The following MCC variants were observed in gnomAD, a reference collection of about 807,000 sequenced individuals.
The protein encoded by MCC is MCC regulator of Wnt signaling pathway.
Under a neutral mutation model 116.2 loss-of-function variants are expected in MCC, and 90 were observed. The observed-to-expected ratio is 0.77, with a 90% CI of 0.65 to 0.92. The LOEUF is 0.92. Ranked by LOEUF, MCC falls within the 40% of genes least tolerant of loss-of-function variation. The pLI is 0.00. For synonymous variants in MCC, 578 were observed against 510.5 expected (o/e 1.13, Z -1.78); for missense variants, 1,516 against 1,312.2 (o/e 1.16, Z -2.40).
At chr5:113,062,227 T>G (rs941790979) in intron 14 of MCC, among the ~76,000 whole-genome samples, 3 of 152,232 alleles carry the variant, frequency 2.0e-5, no homozygotes, top group Admixed American at 2.0e-4. Context: ...ACAATGACTC[T>G]GTGTTTTGAA....
chr5:113,073,945 G>A (rs184046474), intron 11 of MCC, among the ~76,000 whole-genome samples: 6 of 152,308 alleles, frequency 3.9e-5, no homozygotes, highest in South Asian at 2.1e-4. Flanking sequence ...AGACTCCACC[G>A]CTGGGGGCAG....
intron 3 of MCC, among the ~76,000 whole-genome samples, chr5:113,184,871 T>C (rs1373997851): frequency 6.6e-6 from 1 of 152,178 alleles, no homozygotes; most frequent in African/African-American, 2.4e-5. Context: ...CAAACCACCT[T>C]AACTTTGTAT....
chr5:113,059,243 G>C (rs1481875711), intron 14 of MCC, among the ~76,000 whole-genome samples: 1 of 152,178 alleles, frequency 6.6e-6, no homozygotes, highest in Non-Finnish European at 1.5e-5. Flanking sequence ...TTAATTTCAA[G>C]ATAAACCTCA....
chr5:113,213,265 G>A (rs58069204), intron 3 of MCC, among the ~76,000 whole-genome samples: 8,764 of 152,246 alleles, frequency 0.058, 782 homozygotes, highest in African/African-American at 0.19. Context: ...CAGAGGCCTC[G>A]AGGAACTAAG....
At chr5:113,367,357 C>T (rs929349615) in intron 2 of MCC, among the ~76,000 whole-genome samples, 6 of 143,352 alleles carry the variant, frequency 4.2e-5, no homozygotes, top group Non-Finnish European at 7.7e-5. Context: ...AGCCAATTAT[C>T]TAAGTCTTTT....
At chr5:113,339,652 G>C (rs1767962340) in intron 3 of MCC, among the ~76,000 whole-genome samples, 1 of 152,116 alleles carries the variant, frequency 6.6e-6, no homozygotes, top group Non-Finnish European at 1.5e-5. Flanking sequence ...TTTTTCTGAT[G>C]ATTGTATTTT....
At chr5:113,352,101 TAAAGGG>T (rs1205606389) in intron 2 of MCC, among the ~76,000 whole-genome samples, 1 of 152,184 alleles carries the variant, frequency 6.6e-6, no homozygotes, top group Admixed American at 6.5e-5. Flanking sequence ...ATGGACCATA[TAAAGGG>T]AAGTGGACTT....
chr5:113,239,828 G>T (rs1395578803), intron 3 of MCC, among the ~76,000 whole-genome samples: 1 of 152,124 alleles, frequency 6.6e-6, no homozygotes, highest in Non-Finnish European at 1.5e-5. Context: ...AAATCCAAAC[G>T]TGGTGGAAGA....
At chr5:113,361,905 G>A (rs947355504) in intron 2 of MCC, among the ~76,000 whole-genome samples, 2 of 152,136 alleles carry the variant, frequency 1.3e-5, no homozygotes, top group African/African-American at 4.8e-5. Context: ...CTTTGGACTT[G>A]GACTGAGAGT....
chr5:113,438,333 G>C (rs1770923806), intron 1 of MCC, among the ~76,000 whole-genome samples: 1 of 152,152 alleles, frequency 6.6e-6, no homozygotes, highest in Non-Finnish European at 1.5e-5. Flanking sequence ...AGGCAATTAA[G>C]AGCATCAGAC....
At chr5:113,457,354 T>A (rs1771598855) in intron 1 of MCC, among the ~76,000 whole-genome samples, 2 of 152,234 alleles carry the variant, frequency 1.3e-5, no homozygotes, top group South Asian at 4.1e-4. Context: ...TGCTCTGGAT[T>A]TCTCGCCGGG....
rs116032691 is a variant in MCC, at chr5:113,371,772, A to T, written c.415+13196T>A. Among the ~76,000 whole-genome samples the T allele has an allele frequency of 3.9e-3, 600 of 152,340 alleles. 4 individuals carry two copies. Among genetic ancestry groups the T allele is most frequent in the African/African-American group, 0.014 (575 of 41,588 alleles). On this transcript the variant is annotated intron_variant, in intron 2 of 18. Transcript: ENST00000408903. ...GCCCTCTCATTTATGTTCTCCAATG[A>T]ATTTGCATTAGTCTTACAAGAGATA...
chr5:113,263,345 T>C (rs1391905890), intron 3 of MCC, among the ~76,000 whole-genome samples: 1 of 152,160 alleles, frequency 6.6e-6, no homozygotes, highest in East Asian at 1.9e-4. Context: ...AGAGGAGACA[T>C]CTACTCAGAA....
chr5:113,477,066 A>G (rs1421806682), intron 1 of MCC, among the ~76,000 whole-genome samples: 2 of 152,182 alleles, frequency 1.3e-5, no homozygotes, highest in African/African-American at 4.8e-5. Flanking sequence ...TGTTTTTCTC[A>G]TCTTCAAATT....
intron 17 of MCC, among the ~76,000 whole-genome samples, chr5:113,036,302 T>C (rs1044044919): frequency 2.6e-5 from 4 of 152,128 alleles, no homozygotes; most frequent in Non-Finnish European, 4.4e-5. Context: ...CCTCCGAAAG[T>C]ACTAGGATTA....
At chr5:113,286,185 A>G (rs1184973609) in intron 3 of MCC, among the ~76,000 whole-genome samples, 1 of 152,192 alleles carries the variant, frequency 6.6e-6, no homozygotes, top group Non-Finnish European at 1.5e-5. Flanking sequence ...GGAAGGAACA[A>G]CTAACCTGGA....
Position 113,029,074 on chromosome 5 carries a change from A to G in MCC, c.2757-18T>C, listed in dbSNP as rs146239530. ...TCTTTTCTCTATATTAAAGGAGACA[A>G]AATATGCCAGGAGTAGTTTGAGATG... On this transcript the variant is annotated intron_variant, in intron 17 of 18. Coordinates refer to ENST00000408903, the MANE Select transcript of MCC (RefSeq NM_001085377.2). 3,657 of 1,600,994 alleles carry G rather than the reference A, an allele frequency of 2.3e-3. 5 individuals are homozygous for G. Among genetic ancestry groups the G allele is most frequent in the Middle Eastern group, 5.0e-3 (30 of 6,020 alleles).
intron 3 of MCC, among the ~76,000 whole-genome samples, chr5:113,333,290 A>G (rs1403149997): frequency 6.6e-6 from 1 of 151,736 alleles, no homozygotes; most frequent in East Asian, 1.9e-4. Flanking sequence ...TTCAGTTAAT[A>G]ACGACTATAT....
At chr5:113,379,147 G>A (rs1257972378) in intron 2 of MCC, among the ~76,000 whole-genome samples, 3 of 152,146 alleles carry the variant, frequency 2.0e-5, no homozygotes, top group Non-Finnish European at 4.4e-5. Context: ...TGGCCTCTGG[G>A]TGGCAGTGTT....
Sources: allele counts gnomAD v4.1 joint callset (sites outside exome capture counted in the v4.1 genomes callset), GRCh38; gene constraint gnomAD v4.1.1; transcripts MANE v1.5; gene names NCBI Gene and HGNC (gene_info 2026-07-23, HGNC 2026-07-21).